The following CHLSN variants were observed in gnomAD, a reference collection of about 807,000 sequenced individuals.
CHLSN encodes the protein cholesin, also known as protein cholesin.
chr7:1,071,201 ATCTTTT>A, the CHLSN span, among the ~76,000 whole-genome samples: 1 of 152,260 alleles, frequency 6.6e-6, no homozygotes, highest in African/African-American at 2.4e-5. Context: ...ATTTAAGTCA[ATCTTTT>A]AATGACCCTC....
At chr7:1,057,184 C>T in the CHLSN span, among the ~76,000 whole-genome samples, 96 of 152,286 alleles carry the variant, frequency 6.3e-4, 1 homozygote, top group African/African-American at 2.3e-3. Context: ...CAACTCAGGA[C>T]GACCACCCAG....
chr7:1,078,596 G>A, the CHLSN span, among the ~76,000 whole-genome samples: 7 of 152,128 alleles, frequency 4.6e-5, no homozygotes, highest in African/African-American at 1.4e-4. Flanking sequence ...GGTTCATCTC[G>A]TCTCCTCAAA....
At chr7:1,132,511 G>A in the CHLSN span, among the ~76,000 whole-genome samples, 1 of 152,014 alleles carries the variant, frequency 6.6e-6, no homozygotes, top group East Asian at 1.9e-4. Context: ...TGGGCAACAT[G>A]GTGAGGCTCC....
chr7:1,072,423 C>T, the CHLSN span, among the ~76,000 whole-genome samples: 3 of 152,232 alleles, frequency 2.0e-5, no homozygotes, highest in South Asian at 2.1e-4. Context: ...GACTGCTCCT[C>T]GGATTTCCAG....
chr7:1,027,820 C>CGA, the CHLSN span, among the ~76,000 whole-genome samples: 413 of 152,346 alleles, frequency 2.7e-3, 5 homozygotes, highest in African/African-American at 9.5e-3. Flanking sequence ...ACGCGGCGGC[C>CGA]GACGACTCCA....
the CHLSN span, among the ~76,000 whole-genome samples, chr7:1,114,703 C>T: frequency 2.6e-5 from 4 of 152,230 alleles, no homozygotes; most frequent in Admixed American, 6.5e-5. Context: ...ACCAGCAAAC[C>T]AGGGCTGACA....
chr7:1,131,000 C>A, the CHLSN span, among the ~76,000 whole-genome samples: 6 of 152,122 alleles, frequency 3.9e-5, no homozygotes, highest in African/African-American at 4.8e-5. Context: ...CCAGCCTGGG[C>A]AACATAGCGA....
At chr7:1,066,105 T>C in the CHLSN span, among the ~76,000 whole-genome samples, 3 of 152,192 alleles carry the variant, frequency 2.0e-5, no homozygotes, top group Non-Finnish European at 4.4e-5. Context: ...GCCACGGCTT[T>C]CGCCGGCAGC....
the CHLSN span, among the ~76,000 whole-genome samples, chr7:1,007,535 C>T: frequency 3.3e-5 from 5 of 152,174 alleles, no homozygotes; most frequent in Non-Finnish European, 7.4e-5. Flanking sequence ...ATCTGGCAGC[C>T]AGATGCGGCT....
chr7:1,005,094 A>G, the CHLSN span, among the ~76,000 whole-genome samples: 1 of 152,220 alleles, frequency 6.6e-6, no homozygotes, highest in Non-Finnish European at 1.5e-5. Flanking sequence ...GACTAAGACC[A>G]TCTTGGTTAA....
At chr7:1,049,481 G>A in the CHLSN span, among the ~76,000 whole-genome samples, 3 of 152,236 alleles carry the variant, frequency 2.0e-5, no homozygotes, top group African/African-American at 7.2e-5. Flanking sequence ...GTGCAAGCCA[G>A]GACTGGAAAA....
At chr7:1,070,951 ACAG>A in the CHLSN span, among the ~76,000 whole-genome samples, 10 of 149,202 alleles carry the variant, frequency 6.7e-5, no homozygotes, top group South Asian at 4.3e-4. Context: ...GCACACACAC[ACAG>A]CACAGACACG....
the CHLSN span, among the ~76,000 whole-genome samples, chr7:1,121,652 C>T: frequency 6.6e-5 from 10 of 152,264 alleles, no homozygotes; most frequent in East Asian, 3.8e-4. Context: ...TCTGGCTGTG[C>T]GAGGCGCAAG....
the CHLSN span, chr7:1,057,408 G>C: frequency 1.6e-5 from 10 of 611,662 alleles, no homozygotes; most frequent in Non-Finnish European, 2.9e-5. Flanking sequence ...TGCACCAGGA[G>C]AAGGCACCCC....
At chr7:1,118,929 C>T in the CHLSN span, among the ~76,000 whole-genome samples, 103,412 of 151,154 alleles carry the variant, frequency 0.68, 36,479 homozygotes, top group African/African-American at 0.86. Context: ...TATAACAAGA[C>T]AATGGAATAC....
At chr7:988,512 C>G in the CHLSN span, 1 of 1,599,346 alleles carries the variant, frequency 6.3e-7, no homozygotes, top group South Asian at 1.1e-5. Flanking sequence ...CACCCACCTC[C>G]TGATCTCAGG....
chr7:1,117,730 GGAT>G, the CHLSN span, among the ~76,000 whole-genome samples: 6,289 of 149,002 alleles, frequency 0.042, 510 homozygotes, highest in African/African-American at 0.15. Context: ...CGCCCACGCA[GGAT>G]GATGACATCA....
the CHLSN span, among the ~76,000 whole-genome samples, chr7:1,127,680 C>G: frequency 1.5e-5 from 1 of 68,474 alleles, no homozygotes; most frequent in Non-Finnish European, 3.9e-5. Flanking sequence ...CACCGTCACC[C>G]GGGCTGGAGT....
chr7:1,042,974 G>A, the CHLSN span, among the ~76,000 whole-genome samples: 2 of 151,966 alleles, frequency 1.3e-5, no homozygotes, highest in Admixed American at 1.3e-4. Context: ...ATGCATGGCC[G>A]GGCACAGTGG....
Sources: gnomAD v4.1 joint callset for allele counts (sites outside exome capture counted in the v4.1 genomes callset) on GRCh38, gnomAD v4.1.1 for gene constraint, MANE v1.5 for transcripts, NCBI Gene and HGNC (gene_info 2026-07-23, HGNC 2026-07-21) for gene names.